The following TES variants were observed in gnomAD, a reference collection of about 807,000 sequenced individuals.
TES encodes testin LIM domain protein, also known as testin.
TES carries 41 observed loss-of-function variants against 48.2 expected under a neutral mutation model. That is an observed-to-expected ratio of 0.85 (90% CI 0.66 to 1.10). TES has a LOEUF of 1.10. Among genes scored for constraint, TES ranks in the 50% least tolerant of loss-of-function variants. The probability of loss-of-function intolerance (pLI) is 0.00; values close to 1 mark genes in which losing one functional copy is unlikely to be tolerated. For synonymous variants in TES, 162 were observed against 174.9 expected, an observed-to-expected ratio of 0.93 and a Z score of 0.58; for missense variants, 463 against 515.1, an observed-to-expected ratio of 0.90 and a Z score of 0.98.
At position 116,252,415 on chromosome 7, in the gene TES, T is replaced by G. The variant is rs1159022214; in HGVS notation, c.1016T>G (p.Ile339Arg). 1 of 1,614,200 alleles carries G rather than the reference T, an allele frequency of 6.2e-7. No individual in the cohort carries two copies. Among genetic ancestry groups the G allele is most frequent in the Admixed American group, 1.7e-5 (1 of 60,018 alleles). Residue 339 changes from isoleucine (I) to arginine (R), a missense_variant, in exon 6 of 7, where the codon ATA (isoleucine) becomes AGA (arginine). Transcript: ENST00000358204. ...TGTGATAGCATTCTAGCTGGGGAGA[T>G]ATACGTGATGGTCAATGACAAGCCC... ...FDCDSILAGE[I>R]YVMVNDKPVC...
In TES at chr7:116,257,325, C is replaced by T; in HGVS notation, c.1109C>T (p.Pro370Leu). 1 of 1,613,078 alleles carries T rather than the reference C, an allele frequency of 6.2e-7. No homozygotes were observed. The highest frequency in any genetic ancestry group is 1.1e-5 in the South Asian group (1 of 90,928). Residue 370 changes from proline to leucine, a missense_variant, in exon 7 of 7, where the codon CCA becomes CTA. Transcript: ENST00000358204. ...CAAGGATGCCACAATGCCATCGACCCAGAAGTGCAGCGGGTGACCTATAAC... is the reference window on the plus strand; with the variant it reads ...CAAGGATGCCACAATGCCATCGACCTAGAAGTGCAGCGGGTGACCTATAAC... Reference protein sequence around the residue: ...VCQGCHNAIDPEVQRVTYNNF... With the variant: ...VCQGCHNAIDLEVQRVTYNNF...
At chr7:116,235,124 T>C (rs1434560755) in intron 2 of TES, among the ~76,000 whole-genome samples, 1 of 152,196 alleles carries the variant, frequency 6.6e-6, no homozygotes, top group Admixed American at 6.5e-5. Flanking sequence ...TTCTTTTTTG[T>C]ATTCTTAGTA....
In TES at chr7:116,249,230, A is replaced by G. The variant is rs1183295760; in HGVS notation, c.324A>G (p.Thr108=). Residue 108 remains threonine, a synonymous_variant, in exon 3 of 7, where the codon ACA becomes ACG. Coordinates refer to ENST00000358204, the MANE Select transcript of TES (RefSeq NM_015641.4). ...CCAAGAAGAATGTCTCCATCAATACAGTTACCTATGAGTGGGCTCCTCCTG... is the reference window on the plus strand; with the variant it reads ...CCAAGAAGAATGTCTCCATCAATACGGTTACCTATGAGTGGGCTCCTCCTG... ...VAAKKNVSIN[T]VTYEWAPPVQ... 1.2e-6 allele frequency: 2 copies of G among 1,614,114 alleles called. No homozygotes were observed. Among genetic ancestry groups the G allele is most frequent in the Admixed American group, 1.7e-5 (1 of 60,028 alleles).
At chr7:116,225,704 T>C (rs917666888) in intron 1 of TES, among the ~76,000 whole-genome samples, 1 of 152,218 alleles carries the variant, frequency 6.6e-6, no homozygotes, top group Non-Finnish European at 1.5e-5. Flanking sequence ...GTAAATAGTT[T>C]TATTCCTGTT....
At chr7:116,232,027 C>T (rs116813082) in intron 1 of TES, among the ~76,000 whole-genome samples, 1,586 of 152,254 alleles carry the variant, frequency 0.01, 27 homozygotes, top group African/African-American at 0.035. Context: ...AAGTCAGTAG[C>T]GAGCTACTCC....
At chr7:116,253,749 C>G (rs1584630915) in intron 6 of TES, among the ~76,000 whole-genome samples, 2 of 152,050 alleles carry the variant, frequency 1.3e-5, no homozygotes. Flanking sequence ...CCTTTAGATT[C>G]AGTTTAGGTT....
intron 1 of TES, among the ~76,000 whole-genome samples, chr7:116,215,322 A>C (rs1584607849): frequency 6.6e-6 from 1 of 152,158 alleles, no homozygotes; most frequent in East Asian, 1.9e-4. Flanking sequence ...GGTACATTTC[A>C]ACACTTTCAC....
intron 1 of TES, among the ~76,000 whole-genome samples, chr7:116,233,461 A>T (rs2116595030): frequency 6.6e-6 from 1 of 152,334 alleles, no homozygotes; most frequent in South Asian, 2.1e-4. Context: ...AACTTCAGGC[A>T]GAAGAGCACA....
intron 1 of TES, among the ~76,000 whole-genome samples, chr7:116,232,133 G>A (rs898489557): frequency 6.6e-6 from 1 of 152,172 alleles, no homozygotes; most frequent in Admixed American, 6.6e-5. Flanking sequence ...AGATGGTATT[G>A]TTCCAGGATG....
chr7:116,239,116 C>G (rs1242241412), intron 2 of TES: 1 of 152,218 alleles, frequency 6.6e-6, no homozygotes. Flanking sequence ...TGTTGGCTGT[C>G]AGCTGGGGGC....
chr7:116,224,227 T>G (rs1022862507), intron 1 of TES, among the ~76,000 whole-genome samples: 6 of 152,184 alleles, frequency 3.9e-5, no homozygotes, highest in African/African-American at 1.4e-4. Context: ...ACCGTAAACC[T>G]GCCCATCTAC....
chr7:116,232,682 C>G (rs1563008799), intron 1 of TES, among the ~76,000 whole-genome samples: 1 of 152,144 alleles, frequency 6.6e-6, no homozygotes, highest in Non-Finnish European at 1.5e-5. Context: ...TATTTCCATA[C>G]TGTGTGAACT....
At position 116,254,758 on chromosome 7, in the gene TES, A is replaced by ATGTGTG. The variant is rs202115399; in HGVS notation, c.1077+2316_1077+2321dup. On this transcript the variant is annotated intron_variant, in intron 6 of 6. Transcript: ENST00000358204. Reference sequence around the variant, plus strand: ...TCCGTCTCAAAAAAAATATATATATATGTGTGTGTGTGTGTGTGTGTGTGT... The same window carrying ATGTGTG: ...TCCGTCTCAAAAAAAATATATATATATGTGTGTGTGTGTGTGTGTGTGTGTGTGTGT... Among the ~76,000 whole-genome samples the ATGTGTG allele has an allele frequency of 3.0e-3, 346 of 116,778 alleles. 3 individuals are homozygous for ATGTGTG. The highest frequency in any genetic ancestry group is 7.6e-3 in the East Asian group (22 of 2,882). 76.6% of individuals were successfully genotyped at this position (116,778 alleles called of 152,430 possible).
chr7:116,248,497 G>A (rs1799958175), intron 2 of TES, among the ~76,000 whole-genome samples: 1 of 152,138 alleles, frequency 6.6e-6, no homozygotes, highest in African/African-American at 2.4e-5. Context: ...GATGGAAGAT[G>A]GCATCTCATC....
chr7:116,235,274 C>T (rs1254292789), intron 2 of TES, among the ~76,000 whole-genome samples: 2 of 152,112 alleles, frequency 1.3e-5, no homozygotes, highest in Non-Finnish European at 2.9e-5. Context: ...TAATTATTCT[C>T]TTCTTAAAAA....
intron 1 of TES, among the ~76,000 whole-genome samples, chr7:116,233,297 A>G (rs898579080): frequency 1.3e-5 from 2 of 152,048 alleles, no homozygotes; most frequent in African/African-American, 4.8e-5. Flanking sequence ...CTTAATTACA[A>G]CCTTGTGTCC....
At position 116,249,026 on chromosome 7, in the gene TES, A is replaced by G. The variant is rs1427140477; in HGVS notation, c.120A>G (p.Ile40Met). 4 of 1,579,128 alleles carry G rather than the reference A, an allele frequency of 2.5e-6. No individual in the cohort carries two copies. Among genetic ancestry groups the G allele is most frequent in the Non-Finnish European group, 3.4e-6 (4 of 1,164,798 alleles). ...EGFELHFWRK[I>M]CRNCKCGQEE... ...CTTATTTTCAAAATTATAGAAAAAT[A>G]TGTCGTAACTGCAAGTGTGGCCAAG... Residue 40 changes from isoleucine to methionine, a missense_variant, in exon 3 of 7, where the codon ATA (isoleucine) becomes ATG (methionine). Transcript: ENST00000358204.
chr7:116,254,525 G>A (rs1033947341), intron 6 of TES, among the ~76,000 whole-genome samples: 20 of 152,092 alleles, frequency 1.3e-4, no homozygotes, highest in Admixed American at 5.2e-4. Flanking sequence ...CATGAGGTCA[G>A]GAGTTCGAGA....
At chr7:116,221,999 C>T (rs1799563083) in intron 1 of TES, among the ~76,000 whole-genome samples, 1 of 152,116 alleles carries the variant, frequency 6.6e-6, no homozygotes, top group African/African-American at 2.4e-5. Flanking sequence ...TTCTCTGATA[C>T]ATCAAAAGTT....
Sources: gnomAD v4.1 joint callset for allele counts (sites outside exome capture counted in the v4.1 genomes callset) on GRCh38, gnomAD v4.1.1 for gene constraint, MANE v1.5 for transcripts, NCBI Gene and HGNC (gene_info 2026-07-23, HGNC 2026-07-21) for gene names.